The following EP400 variants were observed in gnomAD, a reference collection of about 807,000 sequenced individuals.
EP400 encodes E1A binding protein p400.
In EP400, 105 loss-of-function variants were observed where a neutral mutation model predicts 354.1. The ratio of observed to expected loss-of-function variants is 0.30; its 90% CI spans 0.25 to 0.35. The LOEUF (loss-of-function observed/expected upper bound fraction) is 0.35, where lower values mean the gene tolerates loss of function less well. Ranked by LOEUF, EP400 falls within the 10% of genes least tolerant of loss-of-function variation. EP400 has a pLI of 1.00. For missense variants in EP400, 3,280 were observed against 4,121.0 expected (o/e 0.80, Z 5.59); for synonymous variants, 1,646 against 1,716.9 (o/e 0.96, Z 1.02).
At chr12:131,985,348 T>C (rs1892819170) in intron 5 of EP400, among the ~76,000 whole-genome samples, 1 of 152,252 alleles carries the variant, frequency 6.6e-6, no homozygotes, top group Admixed American at 6.5e-5. Flanking sequence ...GTGGCTGTGC[T>C]GTAATAAAGC....
intron 45 of EP400, among the ~76,000 whole-genome samples, chr12:132,058,187 G>A (rs1187384918): frequency 2.0e-5 from 3 of 152,132 alleles, no homozygotes; most frequent in Non-Finnish European, 4.4e-5. Context: ...TGGCGTGCAT[G>A]GAGAATGGCA....
At position 132,050,448 on chromosome 12, in the gene EP400, A is replaced by G; in HGVS notation, c.7326A>G (p.Pro2442=). The change falls in exon 40 of 53, where the codon CCA becomes CCG. Residue 2442 remains proline, a synonymous_variant. Transcript: ENST00000389561. This position sits in a 1 kb window ranked among gnomAD's most constrained non-coding sequence, Gnocchi z 4.8. Reference sequence around the variant, plus strand: ...TGACTGCTGGCAAGAGGAGTCCCCCAATCAAACCTCTGTATGTTTCCTGAG... The same window carrying G: ...TGACTGCTGGCAAGAGGAGTCCCCCGATCAAACCTCTGTATGTTTCCTGAG... The part of the protein sequence containing the change: ...MKMTAGKRSP[P]IKPLLGMNPF... The G allele has an allele frequency of 1.2e-6, 2 of 1,614,170 alleles. No individual in the cohort carries two copies. Among genetic ancestry groups the G allele is most frequent in the Non-Finnish European group, 1.7e-6 (2 of 1,180,040 alleles).
intron 2 of EP400, among the ~76,000 whole-genome samples, chr12:131,970,684 C>CCCACA (rs930514331): frequency 6.6e-6 from 1 of 152,178 alleles, no homozygotes; most frequent in Non-Finnish European, 1.5e-5. Context: ...TAGACACACA[C>CCCACA]CCACAGGTGG....
chr12:131,993,889 C>T (rs1359017819), intron 11 of EP400, among the ~76,000 whole-genome samples: 27 of 152,210 alleles, frequency 1.8e-4, no homozygotes, highest in Admixed American at 1.7e-3. Flanking sequence ...TGTATTGAAA[C>T]AGACTTTTAT....
At chr12:131,976,530 G>A (rs886080077) in intron 2 of EP400, among the ~76,000 whole-genome samples, 1 of 152,038 alleles carries the variant, frequency 6.6e-6, no homozygotes, top group African/African-American at 2.4e-5. Flanking sequence ...TGGCCAATAT[G>A]GTGAAACCCT....
At chr12:131,972,689 G>A (rs1349956867) in intron 2 of EP400, among the ~76,000 whole-genome samples, 1 of 141,624 alleles carries the variant, frequency 7.1e-6, no homozygotes. Flanking sequence ...TAGAGAAAAT[G>A]AATAATTCGC....
At chr12:131,968,135 A>G (rs1892165711) in intron 2 of EP400, among the ~76,000 whole-genome samples, 1 of 151,774 alleles carries the variant, frequency 6.6e-6, no homozygotes, top group Admixed American at 6.6e-5. Flanking sequence ...TTTTTCTTTT[A>G]TGGATTTGCT....
At position 131,979,679 on chromosome 12, in the gene EP400, C is replaced by T. The variant is rs202156991; in HGVS notation, c.1336-15C>T. ...TTCAGTGATCAAAATCTCATTTTTT[C>T]ATCTTTTTTCCCAGCAGCAAGCCCT... is the stretch of plus-strand genomic sequence containing the variant. On this transcript the variant is annotated splice_polypyrimidine_tract_variant and intron_variant, in intron 2 of 52. Transcript: ENST00000389561. The T allele has an allele frequency of 1.4e-4, 217 of 1,593,984 alleles. No homozygotes were observed. In the Middle Eastern group the frequency reaches 4.9e-3, roughly 36 times the overall value.
rs1277070349 is a variant in EP400 at position 132,075,842 on chromosome 12, C to G, written c.9022-674C>G. The G allele has an allele frequency of 6.5e-6, 1 of 153,496 alleles. No homozygotes were observed. Among genetic ancestry groups the G allele is most frequent in the African/African-American group, 2.4e-5 (1 of 41,472 alleles). The allele number at this position is 153,496 out of a possible 1,614,324, so 9.5% of individuals were successfully genotyped here. On this transcript the variant is annotated intron_variant, in intron 51 of 52. Transcript: ENST00000389561. The surrounding 1 kb of genome is among the most constrained non-coding windows in gnomAD (Gnocchi z 4.5). Reference sequence around the variant, plus strand: ...GGGCCCTTGAAATCAGGGCCCCCAGCAGCTGCCCACGCTGGAGCCTCTCTT... The same window carrying G: ...GGGCCCTTGAAATCAGGGCCCCCAGGAGCTGCCCACGCTGGAGCCTCTCTT...
intron 15 of EP400, among the ~76,000 whole-genome samples, chr12:132,008,354 C>A (rs1342206841): frequency 1.3e-5 from 2 of 152,180 alleles, no homozygotes; most frequent in Non-Finnish European, 2.9e-5. Flanking sequence ...CTCGGTGCAT[C>A]TCATGATAAG....
intron 48 of EP400, chr12:132,066,418 T>A (rs528284459): frequency 4.3e-6 from 1 of 230,266 alleles, no homozygotes; most frequent in Non-Finnish European, 8.4e-6. Context: ...GAGTGCTCGC[T>A]GAAGGAACAG....
intron 2 of EP400, among the ~76,000 whole-genome samples, chr12:131,969,280 A>G (rs926304004): frequency 5.9e-5 from 9 of 152,168 alleles, no homozygotes; most frequent in Admixed American, 2.0e-4. Flanking sequence ...GTCTGTAAAA[A>G]TGGTAAATTA....
intron 19 of EP400, among the ~76,000 whole-genome samples, chr12:132,015,969 C>T (rs1893916356): frequency 6.6e-6 from 1 of 152,158 alleles, no homozygotes; most frequent in Non-Finnish European, 1.5e-5. Flanking sequence ...AGCTGCCAGA[C>T]CAGACTCCCT....
chr12:131,987,959 G>T, intron 7 of EP400, 69 bp downstream of exon 7: 1 of 1,210,606 alleles, frequency 8.3e-7, no homozygotes, highest in Non-Finnish European at 1.1e-6. Flanking sequence ...AGTGGTGTAA[G>T]TGGTGGGGAG....
chr12:132,006,578 C>T, intron 14 of EP400, 122 bp from the exon 15 acceptor site: 1 of 1,069,514 alleles, frequency 9.4e-7, no homozygotes, highest in Non-Finnish European at 1.3e-6. Context: ...TTCCTGTTTT[C>T]TGTAGATCAT....
At chr12:131,951,968 TAGAG>T (rs1477636812) in intron 1 of EP400, among the ~76,000 whole-genome samples, 1 of 150,586 alleles carries the variant, frequency 6.6e-6, no homozygotes. Flanking sequence ...TAATTTTTAG[TAGAG>T]AGGGGGTTTC....
At chr12:132,031,313 C>T (rs764738555) in intron 29 of EP400, 1 of 519,084 alleles carries the variant, frequency 1.9e-6, no homozygotes, top group East Asian at 5.4e-5. Flanking sequence ...TATCCCTCCC[C>T]AGTAAGACGC....
intron 2 of EP400, among the ~76,000 whole-genome samples, chr12:131,969,483 A>G (rs531861909): frequency 2.6e-5 from 4 of 152,088 alleles, no homozygotes; most frequent in African/African-American, 9.6e-5. Flanking sequence ...TGGTTCTGTT[A>G]TTATTTATTT....
chr12:132,072,386 T>C (rs1172636000), intron 51 of EP400, among the ~76,000 whole-genome samples: 1 of 152,266 alleles, frequency 6.6e-6, no homozygotes, highest in Admixed American at 6.5e-5. Flanking sequence ...CAGTCCTAAA[T>C]GTTTTTGAAT....
Sources: allele counts gnomAD v4.1 joint callset (sites outside exome capture counted in the v4.1 genomes callset), GRCh38; gene constraint gnomAD v4.1.1; non-coding constraint Gnocchi (gnomAD v3.1); transcripts MANE v1.5; gene names NCBI Gene and HGNC (gene_info 2026-07-23, HGNC 2026-07-21).